Variants in BTG4 observed in about 807,000 individuals in gnomAD.
BTG4 encodes BTG anti-proliferation factor 4.
A neutral mutation model predicts 19.3 loss-of-function variants in BTG4; 10 were observed. The ratio of observed to expected loss-of-function variants is 0.52; its 90% CI spans 0.32 to 0.88. The LOEUF (loss-of-function observed/expected upper bound fraction) is 0.88, where lower values mean the gene tolerates loss of function less well. BTG4 is among the 40% of genes least tolerant of loss of function. The probability of loss-of-function intolerance (pLI) is 0.04; values close to 1 mark genes in which losing one functional copy is unlikely to be tolerated. For synonymous variants in BTG4, 91 were observed against 95.7 expected (o/e 0.95, Z 0.29); for missense variants, 238 against 281.9 (o/e 0.84, Z 1.11).
At chr11:111,488,407 T>A (rs1212056271) in intron 5 of BTG4, among the ~76,000 whole-genome samples, 1 of 152,148 alleles carries the variant, frequency 6.6e-6, no homozygotes, top group Non-Finnish European at 1.5e-5. Context: ...CACGAAAGAA[T>A]GAAACTAGAC....
chr11:111,477,977 G>A (rs1864495621), intron 5 of BTG4, among the ~76,000 whole-genome samples: 1 of 152,074 alleles, frequency 6.6e-6, no homozygotes, highest in Admixed American at 6.6e-5. Context: ...AGACGACCGA[G>A]CAGAGAACTG....
chr11:111,440,687 T>G, the BTG4 span, among the ~76,000 whole-genome samples: 8 of 152,184 alleles, frequency 5.3e-5, no homozygotes, highest in Non-Finnish European at 1.2e-4. Flanking sequence ...TAGCTTTAGA[T>G]GGGAGATAAG....
chr11:111,429,248 G>A, the BTG4 span, among the ~76,000 whole-genome samples: 1 of 152,032 alleles, frequency 6.6e-6, no homozygotes, highest in African/African-American at 2.4e-5. Context: ...TTAACATCAC[G>A]CTCTCTCGGT....
chr11:111,422,939 G>A, the BTG4 span, among the ~76,000 whole-genome samples: 1 of 152,180 alleles, frequency 6.6e-6, no homozygotes, highest in Non-Finnish European at 1.5e-5. Flanking sequence ...ACACCTCTCT[G>A]TTTTCCCCCA....
chr11:111,504,629 C>G (rs1866324224), intron 1 of BTG4, among the ~76,000 whole-genome samples: 2 of 151,874 alleles, frequency 1.3e-5, no homozygotes, highest in African/African-American at 2.4e-5. Context: ...AGCTATCAGG[C>G]AAGAGAAAAA....
At chr11:111,424,775 T>C in the BTG4 span, among the ~76,000 whole-genome samples, 4 of 152,116 alleles carry the variant, frequency 2.6e-5, no homozygotes, top group Non-Finnish European at 5.9e-5. Flanking sequence ...CTGACCAATA[T>C]GGTGAAACCC....
At chr11:111,404,042 G>T in the BTG4 span, among the ~76,000 whole-genome samples, 2 of 152,142 alleles carry the variant, frequency 1.3e-5, no homozygotes, top group African/African-American at 4.8e-5. Flanking sequence ...TGTGGGAGGG[G>T]ACCCAGTGGG....
In BTG4 at chr11:111,495,223, G is replaced by T. The variant is rs369066698; in HGVS notation, c.602C>A (p.Thr201Asn). The change falls in exon 5 of 5, where the codon ACT becomes AAT. Residue 201 changes from threonine to asparagine, a missense_variant. Physicochemically the swap from Thr to Asn is moderately conservative, Grantham distance 65. Transcript: ENST00000692032. ...AGGATGCTTCTGCGAGCCATGGTAA[G>T]TGTTTCCCAGGAGGCCAACACGGCC... is the stretch of plus-strand genomic sequence containing the variant. ...VDGRVGLLGN[T>N]YHGSQKHPKC... 1.9e-6 allele frequency: 3 copies of T among 1,613,046 alleles called. No individual in the cohort carries two copies. The highest frequency in any genetic ancestry group is 2.5e-6 in the Non-Finnish European group (3 of 1,179,640).
the BTG4 span, among the ~76,000 whole-genome samples, chr11:111,460,708 A>C: frequency 6.6e-6 from 1 of 152,374 alleles, no homozygotes; most frequent in Non-Finnish European, 1.5e-5. Context: ...TCTATCATGA[A>C]AGCCACGGGG....
chr11:111,408,383 G>C, the BTG4 span, among the ~76,000 whole-genome samples: 3 of 152,204 alleles, frequency 2.0e-5, no homozygotes, highest in Admixed American at 6.5e-5. Context: ...AAGGTTCCCA[G>C]AAGCAGGTGA....
the BTG4 span, among the ~76,000 whole-genome samples, chr11:111,388,474 C>A: frequency 1.3e-5 from 2 of 151,994 alleles, no homozygotes; most frequent in Admixed American, 6.5e-5. Context: ...CATTGGAATG[C>A]CCCTAGAATG....
chr11:111,487,452 G>A (rs1196691694), intron 5 of BTG4, among the ~76,000 whole-genome samples: 1 of 151,916 alleles, frequency 6.6e-6, no homozygotes, highest in Non-Finnish European at 1.5e-5. Flanking sequence ...GGTATAGAAG[G>A]AACATACCTC....
chr11:111,494,509 C>T (rs2135658518), downstream of BTG4, among the ~76,000 whole-genome samples: 1 of 152,334 alleles, frequency 6.6e-6, no homozygotes, highest in South Asian at 2.1e-4. Context: ...ATGGGCATTT[C>T]CTCATACCAT....
the BTG4 span, among the ~76,000 whole-genome samples, chr11:111,423,925 C>T: frequency 5.5e-4 from 84 of 152,180 alleles, no homozygotes; most frequent in African/African-American, 2.0e-3. Context: ...AAGAGGAGGC[C>T]GAGAAAGCCA....
the BTG4 span, among the ~76,000 whole-genome samples, chr11:111,441,382 C>T: frequency 2.0e-5 from 3 of 151,980 alleles, no homozygotes; most frequent in Non-Finnish European, 4.4e-5. Flanking sequence ...GCGGCTCCTC[C>T]GAGAGAGAGA....
At chr11:111,453,699 ACTGATTTGCT>A in the BTG4 span, 1 of 357,334 alleles carries the variant, frequency 2.8e-6, no homozygotes, top group Admixed American at 3.5e-5. Flanking sequence ...TCATTCATCC[ACTGATTTGCT>A]CAAAAAATCT....
rs1435510711 is a variant in BTG4, at chr11:111,498,120, G to T, written c.189C>A (p.Asn63Lys). 2 of 1,613,848 alleles carry T rather than the reference G, an allele frequency of 1.2e-6. No individual in the cohort carries two copies. Among genetic ancestry groups the T allele is most frequent in the Non-Finnish European group, 1.7e-6 (2 of 1,179,974 alleles). ...KGQAFRCIRI[N>K]NNQNKDPILE... ...GAATGGGATCTTTATTCTGATTGTT[G>T]TTTATCCTGATGCACCTTTTTAAAA... The change falls in exon 3 of 5, where the codon AAC becomes AAA. Residue 63 changes from asparagine to lysine, a missense_variant. Transcript: ENST00000692032.
chr11:111,464,327 A>G (rs1863596008), downstream of BTG4, among the ~76,000 whole-genome samples: 1 of 152,166 alleles, frequency 6.6e-6, no homozygotes, highest in Admixed American at 6.5e-5. Flanking sequence ...AATCTCAGAA[A>G]TGACAACCCA....
chr11:111,512,202 G>A lies in BTG4; in HGVS notation c.-48C>T, dbSNP rs902463397. 1 of 152,256 alleles carries A rather than the reference G, an allele frequency of 6.6e-6. No individual in the cohort carries two copies. The highest frequency in any genetic ancestry group is 2.4e-5 in the African/African-American group (1 of 41,454). The allele number at this position is 152,256 out of a possible 1,614,324, so 9.4% of individuals were successfully genotyped here. On this transcript the variant is annotated 5_prime_UTR_variant, in exon 1 of 5. Coordinates refer to ENST00000692032, the MANE Select transcript of BTG4 (RefSeq NM_001367975.1). ...GTACCTGGGAAGCCGCTTTCCCAGG[G>A]CGGAATGGTCACGGAAACTGGGTAG...
Sources: allele counts gnomAD v4.1 joint callset (sites outside exome capture counted in the v4.1 genomes callset), GRCh38; gene constraint gnomAD v4.1.1; transcripts MANE v1.5; gene names NCBI Gene and HGNC (gene_info 2026-07-23, HGNC 2026-07-21).